Variants in PYROXD1 observed in about 807,000 individuals in gnomAD.
PYROXD1 encodes pyridine nucleotide-disulphide oxidoreductase domain 1.
PYROXD1 carries 42 observed loss-of-function variants against 62.0 expected under a neutral mutation model. That is an observed-to-expected ratio of 0.68 (90% CI 0.53 to 0.88). The LOEUF is 0.88. Among genes scored for constraint, PYROXD1 ranks in the 40% least tolerant of loss-of-function variants. The pLI, the probability that PYROXD1 is intolerant of heterozygous loss-of-function variation, is 0.00. For missense variants in PYROXD1, 493 were observed against 604.8 expected, an observed-to-expected ratio of 0.82 and a Z score of 1.94; for synonymous variants, 170 against 206.4, an observed-to-expected ratio of 0.82 and a Z score of 1.51.
chr12:21,463,692 CA>C (rs11325981), intron 10 of PYROXD1, among the ~76,000 whole-genome samples: 69,302 of 135,782 alleles, frequency 0.51, 17,022 homozygotes, highest in South Asian at 0.59. Context: ...AACTCTGTCT[CA>C]AAAAAAAAAA....
At chr12:21,444,756 C>G (rs1024734) in intron 2 of PYROXD1, among the ~76,000 whole-genome samples, 58,109 of 151,918 alleles carry the variant, frequency 0.38, 11,360 homozygotes, top group Middle Eastern at 0.48. Context: ...GAATATCAAT[C>G]TGTAAGGCTG....
intron 10 of PYROXD1, among the ~76,000 whole-genome samples, chr12:21,464,743 ATAT>A (rs1565555382): frequency 0.033 from 4,872 of 148,658 alleles, 115 homozygotes; most frequent in Middle Eastern, 0.069. Flanking sequence ...TTTTATTATT[ATAT>A]TTAAGTTTTA....
chr12:21,461,184 T>C (rs751839345), intron 8 of PYROXD1, 30 bp downstream of exon 8: 11 of 1,342,068 alleles, frequency 8.2e-6, no homozygotes, highest in Non-Finnish European at 9.0e-6. Context: ...AAAATATATA[T>C]AACCACTTAA....
intron 2 of PYROXD1, among the ~76,000 whole-genome samples, chr12:21,440,832 T>A (rs10770809): frequency 0.99 from 150,102 of 152,306 alleles, 74,018 homozygotes; most frequent in East Asian, 1. Flanking sequence ...GTTGTGGTAC[T>A]TTCCTTCCAT....
chr12:21,450,892 A>G (rs1017083909), intron 4 of PYROXD1, among the ~76,000 whole-genome samples: 4 of 152,152 alleles, frequency 2.6e-5, no homozygotes, highest in Non-Finnish European at 5.9e-5. Flanking sequence ...CCAATTTACA[A>G]ATAGGAAACT....
chr12:21,446,282 G>A (rs1045665616), intron 3 of PYROXD1, among the ~76,000 whole-genome samples: 8 of 151,244 alleles, frequency 5.3e-5, no homozygotes, highest in African/African-American at 2.0e-4. Flanking sequence ...AATTAGCCGG[G>A]TGTGGTGGCG....
chr12:21,438,798 G>T (rs910008057), intron 1 of PYROXD1, among the ~76,000 whole-genome samples: 11 of 152,132 alleles, frequency 7.2e-5, no homozygotes, highest in African/African-American at 2.7e-4. Flanking sequence ...CGTTGGATGC[G>T]TATTTTCCGT....
At chr12:21,458,438 T>C (rs1177574301) in intron 7 of PYROXD1, among the ~76,000 whole-genome samples, 1 of 152,254 alleles carries the variant, frequency 6.6e-6, no homozygotes, top group Non-Finnish European at 1.5e-5. Context: ...TCATCATTCA[T>C]GTGTTCATTG....
chr12:21,447,329 A>G (rs1329931918), intron 3 of PYROXD1, among the ~76,000 whole-genome samples: 4 of 152,230 alleles, frequency 2.6e-5, no homozygotes, highest in Non-Finnish European at 1.5e-5. Flanking sequence ...CCCAAACCAG[A>G]TAAGTTTCTA....
At chr12:21,441,443 AC>A (rs1942292710) in intron 2 of PYROXD1, 1 of 151,448 alleles carries the variant, frequency 6.6e-6, no homozygotes, top group Non-Finnish European at 1.5e-5. Context: ...TTAATTCCCT[AC>A]TTCTATGTTC....
At chr12:21,448,025 A>C in intron 3 of PYROXD1, 1 of 466,068 alleles carries the variant, frequency 2.1e-6, no homozygotes, top group South Asian at 3.6e-5. Context: ...GCACGTGTGA[A>C]GGTATCTCTC....
At chr12:21,467,741 T>C in intron 11 of PYROXD1, 123 bp downstream of exon 11, 1 of 779,426 alleles carries the variant, frequency 1.3e-6, no homozygotes, top group South Asian at 2.0e-5. Flanking sequence ...AAAAATGACA[T>C]TTTTCATTTC....
intron 7 of PYROXD1, among the ~76,000 whole-genome samples, chr12:21,457,578 A>T (rs1345425890): frequency 6.6e-6 from 1 of 152,098 alleles, no homozygotes; most frequent in Non-Finnish European, 1.5e-5. Flanking sequence ...TAAAGAAAAG[A>T]GGTTTAATTG....
intron 10 of PYROXD1, among the ~76,000 whole-genome samples, chr12:21,463,959 C>T (rs1942745331): frequency 6.6e-6 from 1 of 152,104 alleles, no homozygotes; most frequent in Non-Finnish European, 1.5e-5. Context: ...TCAGATTATG[C>T]AGTGTGAAGT....
intron 7 of PYROXD1, among the ~76,000 whole-genome samples, chr12:21,459,290 C>T (rs1942652530): frequency 2.0e-5 from 3 of 152,202 alleles, no homozygotes; most frequent in Middle Eastern, 3.4e-3. Context: ...CCATGAAAAC[C>T]CAAAAGGACT....
chr12:21,447,729 G>C (rs1942417099), intron 3 of PYROXD1: 1 of 171,586 alleles, frequency 5.8e-6, no homozygotes, highest in African/African-American at 2.4e-5. Context: ...GCTCACACCT[G>C]TAATCCCAGC....
At chr12:21,464,535 C>T (rs1942756319) in intron 10 of PYROXD1, among the ~76,000 whole-genome samples, 1 of 152,036 alleles carries the variant, frequency 6.6e-6, no homozygotes, top group Non-Finnish European at 1.5e-5. Flanking sequence ...GCATTAAGTA[C>T]ATATGCACAT....
At position 21,455,426 on chromosome 12, in the gene PYROXD1, T is replaced by C. The variant is rs1942577674; in HGVS notation, c.649+134T>C. 1.4e-5 allele frequency: 5 copies of C among 345,300 alleles called. No homozygotes were observed. In the East Asian group the frequency reaches 2.4e-4, roughly 17 times the overall value. 21.4% of individuals were successfully genotyped at this position (345,300 alleles called of 1,614,324 possible). On this transcript the variant is annotated intron_variant, in intron 6 of 11. Coordinates refer to ENST00000240651, the MANE Select transcript of PYROXD1 (RefSeq NM_024854.5). ...GATATTTATATATCTTTACATGAAG[T>C]TTTCAGATTTTCTATTTTATATATA... is the stretch of plus-strand genomic sequence containing the variant.
intron 3 of PYROXD1, among the ~76,000 whole-genome samples, chr12:21,448,888 A>G (rs1942440596): frequency 6.6e-6 from 1 of 152,196 alleles, no homozygotes; most frequent in African/African-American, 2.4e-5. Context: ...TTTAAAGCCA[A>G]TACATGCTAG....
Sources: allele counts gnomAD v4.1 joint callset (sites outside exome capture counted in the v4.1 genomes callset), GRCh38; gene constraint gnomAD v4.1.1; transcripts MANE v1.5; gene names NCBI Gene and HGNC (gene_info 2026-07-23, HGNC 2026-07-21).